The following FAM161B variants were observed in gnomAD, a reference collection of about 807,000 sequenced individuals.
FAM161B encodes FAM161 centrosomal protein B.
In FAM161B, 46 loss-of-function variants were observed where a neutral mutation model predicts 61.5. That is an observed-to-expected ratio of 0.75 (90% CI 0.59 to 0.96). FAM161B has a LOEUF of 0.96. Ranked by LOEUF, FAM161B falls within the 40% of genes least tolerant of loss-of-function variation. The probability of loss-of-function intolerance (pLI) is 0.00; values close to 1 mark genes in which losing one functional copy is unlikely to be tolerated. For synonymous variants in FAM161B, 284 were observed against 302.7 expected (o/e 0.94, Z 0.64); for missense variants, 774 against 800.7 (o/e 0.97, Z 0.40).
intron 4 of FAM161B, among the ~76,000 whole-genome samples, chr14:73,941,374 G>A (rs535314688): frequency 6.6e-5 from 10 of 152,158 alleles, no homozygotes; most frequent in Admixed American, 2.0e-4. Context: ...CACCCGTGTC[G>A]GCCTCCCAAA....
At position 73,942,527 on chromosome 14, in the gene FAM161B, C is replaced by T. The variant is rs2056028442; in HGVS notation, c.1114G>A (p.Val372Ile). The T allele has an allele frequency of 6.2e-7, 1 of 1,614,232 alleles. No individual in the cohort carries two copies. Among genetic ancestry groups the T allele is most frequent in the African/African-American group, 1.3e-5 (1 of 75,054 alleles). ...TTGTAAAGGCCCTCATAGTCAGGGA[C>T]CACAGGATTCACCCGAGGCTGGAAT... ...FRFQPRVNPV[V>I]PDYEGLYKAF... Residue 372 changes from valine to isoleucine, a missense_variant, in exon 4 of 9, where the codon GTC (valine) becomes ATC (isoleucine). Transcript: ENST00000286544.
intron 4 of FAM161B, 55 bp from the exon 5 acceptor site, chr14:73,941,108 CTTTTTTT>C (rs11358501): frequency 3.7e-4 from 356 of 954,352 alleles, no homozygotes; most frequent in Admixed American, 5.7e-4. Context: ...TAGTTTCTAT[CTTTTTTT>C]TTTTTTTTTT....
At chr14:73,938,153 T>TGA (rs1566673376) in intron 5 of FAM161B, 41 bp from the exon 6 acceptor site, 2 of 1,604,510 alleles carry the variant, frequency 1.2e-6, no homozygotes, top group African/African-American at 2.7e-5. Flanking sequence ...ATTACCAACC[T>TGA]GGGTATACTG....
Position 73,937,931 on chromosome 14 carries a change from A to G in FAM161B, c.1565+17T>C, listed in dbSNP as rs1436319989. ...TCCCAAGGCAAGCACCCCTTTTGACACATAGAGGACACTGACCGGTTCTCT... is the reference window on the plus strand; with the variant it reads ...TCCCAAGGCAAGCACCCCTTTTGACGCATAGAGGACACTGACCGGTTCTCT... On this transcript the variant is annotated intron_variant, in intron 6 of 8. Coordinates refer to ENST00000286544, the MANE Select transcript of FAM161B (RefSeq NM_152445.3). 9 of 1,613,680 alleles carry G rather than the reference A, an allele frequency of 5.6e-6. No individual in the cohort carries two copies. The highest frequency in any genetic ancestry group is 7.6e-6 in the Non-Finnish European group (9 of 1,179,906).
Position 73,938,032 on chromosome 14 carries a change from G to C in FAM161B, c.1481C>G (p.Ser494Cys). Reference sequence around the variant, plus strand: ...TTTTGCACGCAAGGTCACAGATTTGGACATTGCTTGAGACTTCTTTTTGTG... The same window carrying C: ...TTTTGCACGCAAGGTCACAGATTTGCACATTGCTTGAGACTTCTTTTTGTG... ...EIHKKKSQAM[S>C]KSVTLRAKAM... Residue 494 changes from serine (S) to cysteine (C), a missense_variant, in exon 6 of 9, where the codon TCC becomes TGC. Coordinates refer to ENST00000286544, the MANE Select transcript of FAM161B (RefSeq NM_152445.3). 6.2e-7 allele frequency: 1 copy of C among 1,614,102 alleles called. No homozygotes were observed. Among genetic ancestry groups the C allele is most frequent in the African/African-American group, 1.3e-5 (1 of 75,030 alleles).
chr14:73,945,873 C>T (rs1375138855), intron 2 of FAM161B, among the ~76,000 whole-genome samples: 1 of 151,936 alleles, frequency 6.6e-6, no homozygotes. Flanking sequence ...TCCTGAGTAG[C>T]TGGGATTACG....
the FAM161B span, among the ~76,000 whole-genome samples, chr14:73,926,228 TAAC>T: frequency 2.0e-5 from 3 of 152,212 alleles, no homozygotes; most frequent in Non-Finnish European, 4.4e-5. Flanking sequence ...CAAACAAAGA[TAAC>T]AATAATTTAT....
At chr14:73,942,318 C>G (rs1373396697) in intron 4 of FAM161B, 51 bp downstream of exon 4, 3 of 1,562,464 alleles carry the variant, frequency 1.9e-6, no homozygotes, top group Non-Finnish European at 2.6e-6. Flanking sequence ...TGGCCCCACC[C>G]TGTATTTCAG....
chr14:73,941,085 C>G, intron 4 of FAM161B, 32 bp from the exon 5 acceptor site: 1 of 1,343,440 alleles, frequency 7.4e-7, no homozygotes, highest in Non-Finnish European at 1.0e-6. Context: ...ATTGGTGGGA[C>G]AGCATGTGTG....
At chr14:73,937,066 C>T (rs2055975737) in intron 7 of FAM161B, among the ~76,000 whole-genome samples, 1 of 147,220 alleles carries the variant, frequency 6.8e-6, no homozygotes, top group Non-Finnish European at 1.5e-5. Flanking sequence ...CACTCACACA[C>T]ACATACACAT....
chr14:73,925,875 C>CA, the FAM161B span, among the ~76,000 whole-genome samples: 3 of 150,982 alleles, frequency 2.0e-5, no homozygotes, highest in Non-Finnish European at 4.4e-5. Flanking sequence ...ACAAAAAATA[C>CA]AAAAAAAAAT....
Position 73,932,736 on chromosome 14 carries a change from C to G in FAM161B, c.*1520G>C. ...AACTCCTACGCTCAAGGCATCCTCC[C>G]ACCTCAGCCTCCTGAATAGCTAGGA... is the stretch of plus-strand genomic sequence containing the variant. On this transcript the variant is annotated 3_prime_UTR_variant, in exon 9 of 9. Coordinates refer to ENST00000286544, the MANE Select transcript of FAM161B (RefSeq NM_152445.3). 1 of 307,172 alleles carries G rather than the reference C, an allele frequency of 3.3e-6. No individual in the cohort carries two copies. Among genetic ancestry groups the G allele is most frequent in the Non-Finnish European group, 6.3e-6 (1 of 159,172 alleles). 19.0% of individuals were successfully genotyped at this position (307,172 alleles called of 1,614,324 possible).
chr14:73,937,701 C>T lies in FAM161B; in HGVS notation c.1566G>A (p.Arg522=). The T allele has an allele frequency of 6.2e-7, 1 of 1,612,184 alleles. No individual in the cohort carries two copies. Among genetic ancestry groups the T allele is most frequent in the Non-Finnish European group, 8.5e-7 (1 of 1,179,626 alleles). ...CTTTCGCTCTTTTACGGTCATTGTT[C>T]CTGGAATTAGCAAGACTTTTAGAAA... The part of the protein sequence containing the change: ...EVFKAKLKEN[R]NNDRKRAKEY... The change falls in exon 7 of 9, where the codon CGG becomes CGA. Residue 522 remains arginine, a splice_region_variant and synonymous_variant. Coordinates refer to ENST00000286544, the MANE Select transcript of FAM161B (RefSeq NM_152445.3).
At position 73,950,058 on chromosome 14, in the gene FAM161B, C is replaced by G; in HGVS notation, c.-32G>C. Reference sequence around the variant, plus strand: ...TGGACAGAGGCAGCAGCGACAGTGACAGCGATAGTGGCAGCAGCGGTGGCA... The same window carrying G: ...TGGACAGAGGCAGCAGCGACAGTGAGAGCGATAGTGGCAGCAGCGGTGGCA... On this transcript the variant is annotated 5_prime_UTR_variant, in exon 1 of 9. Transcript: ENST00000286544. 1.2e-6 allele frequency: 2 copies of G among 1,610,192 alleles called. No homozygotes were observed. Among genetic ancestry groups the G allele is most frequent in the Non-Finnish European group, 1.7e-6 (2 of 1,180,006 alleles).
Position 73,946,465 on chromosome 14 carries a change from C to T in FAM161B, c.195G>A (p.Gly65=). Residue 65 remains glycine, a synonymous_variant, in exon 2 of 9, where the codon GGG becomes GGA. Coordinates refer to ENST00000286544, the MANE Select transcript of FAM161B (RefSeq NM_152445.3). The part of the protein sequence containing the change: ...EEIDSTSDST[G]SIYQNLQELK... ...GTTCCTGTAAGTTCTGGTAAATGCT[C>T]CCAGTTGAGTCAGAAGTAGAATCTA... The T allele has an allele frequency of 3.7e-6, 6 of 1,614,172 alleles. No individual in the cohort carries two copies. Among genetic ancestry groups the T allele is most frequent in the Non-Finnish European group, 4.2e-6 (5 of 1,180,034 alleles).
At chr14:73,931,770 C>T (rs1232284909), downstream of FAM161B, 1 of 535,050 alleles carries the variant, frequency 1.9e-6, no homozygotes, top group African/African-American at 1.9e-5. Flanking sequence ...GGCTGGGAAA[C>T]TGTACCTACC....
In FAM161B at chr14:73,942,595, C is replaced by T. The variant is rs760536263; in HGVS notation, c.1046G>A (p.Arg349Gln). The T allele has an allele frequency of 2.5e-5, 41 of 1,614,050 alleles. No individual in the cohort carries two copies. Among genetic ancestry groups the T allele is most frequent in the African/African-American group, 4.0e-5 (3 of 74,906 alleles). The stretch of plus-strand genomic sequence containing the variant: ...AAACCCAAGCTTTTCCTGCTGGGTT[C>T]GGGTGGCTGTGCGGGGCTGTGGGTT... ...RANPQPRTAT[R>Q]TQQEKLGFLH... The change falls in exon 4 of 9, where the codon CGA becomes CAA. Residue 349 changes from arginine to glutamine, a missense_variant. Coordinates refer to ENST00000286544, the MANE Select transcript of FAM161B (RefSeq NM_152445.3).
In FAM161B at chr14:73,940,992, G is replaced by A. The variant is rs2056012981; in HGVS notation, c.1334C>T (p.Ser445Phe). 1 of 1,613,824 alleles carries A rather than the reference G, an allele frequency of 6.2e-7. No individual in the cohort carries two copies. The highest frequency in any genetic ancestry group is 2.2e-5 in the East Asian group (1 of 44,872). Reference sequence around the variant, plus strand: ...CACAGGGAGAGTGTTGGCAGAGAGGGAAGCAAGGCCGCTCAGAGAACGACT... The same window carrying A: ...CACAGGGAGAGTGTTGGCAGAGAGGAAAGCAAGGCCGCTCAGAGAACGACT... Reference protein sequence around the residue: ...PRSRSLSGLASLSANTLPVHI... With the variant: ...PRSRSLSGLAFLSANTLPVHI... Residue 445 changes from serine to phenylalanine, a missense_variant, in exon 5 of 9, where the codon TCC becomes TTC. Physicochemically the swap from Ser to Phe is radical, Grantham distance 155. Transcript: ENST00000286544.
downstream of FAM161B, chr14:73,931,570 C>T: frequency 6.2e-7 from 1 of 1,607,080 alleles, no homozygotes; most frequent in Non-Finnish European, 8.5e-7. Context: ...GGAAGAGCAA[C>T]TCTATCTGAT....
Sources: gnomAD v4.1 joint callset for allele counts (sites outside exome capture counted in the v4.1 genomes callset) on GRCh38, gnomAD v4.1.1 for gene constraint, MANE v1.5 for transcripts, NCBI Gene and HGNC (gene_info 2026-07-23, HGNC 2026-07-21) for gene names.